Variants in TTC27 observed in about 807,000 individuals in gnomAD.
The protein encoded by TTC27 is tetratricopeptide repeat domain 27, also known as tetratricopeptide repeat protein 27.
A neutral mutation model predicts 115.9 loss-of-function variants in TTC27; 79 were observed. The observed-to-expected ratio is 0.68, with a 90% CI of 0.57 to 0.82. The LOEUF (loss-of-function observed/expected upper bound fraction) is 0.82. Ranked by LOEUF, TTC27 falls within the 40% of genes least tolerant of loss-of-function variation. TTC27 has a pLI of 0.00. For missense variants in TTC27, 1,054 were observed against 993.1 expected (o/e 1.06, Z -0.82); for synonymous variants, 401 against 356.0 (o/e 1.13, Z -1.42).
rs1665683016 is a variant in TTC27 at position 32,664,357 on chromosome 2, A to G, written c.695A>G (p.Gln232Arg). The G allele has an allele frequency of 6.2e-7, 1 of 1,611,808 alleles. No homozygotes were observed. The highest frequency in any genetic ancestry group is 8.5e-7 in the Non-Finnish European group (1 of 1,178,986). The change falls in exon 6 of 20, where the codon CAA becomes CGA. Residue 232 changes from glutamine (Q) to arginine (R), a missense_variant. By Grantham distance (43) the Gln-to-Arg change is conservative. Coordinates refer to ENST00000317907, the MANE Select transcript of TTC27 (RefSeq NM_017735.5). ...GATTCAGGTCGATATTTGGCTATTC[A>G]ATTCCATCTGGAATGTGCATATGTG... ...VDDSGRYLAI[Q>R]FHLECAYVFL...
chr2:32,813,448 G>C (rs955163661), intron 18 of TTC27, among the ~76,000 whole-genome samples: 1 of 152,220 alleles, frequency 6.6e-6, no homozygotes, highest in Admixed American at 6.5e-5. Flanking sequence ...ATGCTTGCTA[G>C]TTGACCTTGG....
chr2:32,776,858 C>T (rs1014211288), intron 13 of TTC27, among the ~76,000 whole-genome samples: 3 of 152,312 alleles, frequency 2.0e-5, no homozygotes, highest in East Asian at 3.9e-4. Context: ...GATCCGCCCA[C>T]CTCGGCCTCC....
In TTC27 at chr2:32,640,339, T is replaced by G. The variant is rs187436824; in HGVS notation, c.466T>G (p.Ser156Ala). 6.2e-7 allele frequency: 1 copy of G among 1,614,096 alleles called. No individual in the cohort carries two copies. The highest frequency in any genetic ancestry group is 1.3e-5 in the African/African-American group (1 of 75,068). ...TGGTGAATCAATCTACAGCCTGACC[T>G]CGAAGCCTATACTACTGTTATTAGC... is the stretch of plus-strand genomic sequence containing the variant. ...LDGESIYSLT[S>A]KPILLLLARI... The change falls in exon 4 of 20, where the codon TCG (serine) becomes GCG (alanine). Residue 156 changes from serine to alanine, a missense_variant. Coordinates refer to ENST00000317907, the MANE Select transcript of TTC27 (RefSeq NM_017735.5).
intron 12 of TTC27, among the ~76,000 whole-genome samples, chr2:32,746,584 A>G (rs1456256890): frequency 1.3e-5 from 2 of 151,272 alleles, no homozygotes; most frequent in Non-Finnish European, 2.9e-5. Flanking sequence ...AAAAAAAAAG[A>G]ATGCACATCT....
chr2:32,670,359 C>G (rs1442282249), intron 7 of TTC27, among the ~76,000 whole-genome samples: 1 of 152,142 alleles, frequency 6.6e-6, no homozygotes, highest in South Asian at 2.1e-4. Flanking sequence ...AAAGTTTCTC[C>G]AAAGAGTGCC....
intron 7 of TTC27, 61 bp from the exon 8 acceptor site, chr2:32,672,211 A>T (rs991732095): frequency 1.6e-6 from 2 of 1,248,308 alleles, no homozygotes; most frequent in East Asian, 2.3e-5. Flanking sequence ...ATTACATGCC[A>T]TTCTGGTGAA....
intron 10 of TTC27, among the ~76,000 whole-genome samples, chr2:32,721,584 A>G (rs1667925946): frequency 1.3e-5 from 2 of 150,630 alleles, no homozygotes; most frequent in Non-Finnish European, 3.0e-5. Context: ...AAGCTTCCTC[A>G]CCTTATCTGG....
At chr2:32,782,106 T>C (rs1558341248) in intron 14 of TTC27, among the ~76,000 whole-genome samples, 2 of 152,204 alleles carry the variant, frequency 1.3e-5, no homozygotes, top group Admixed American at 6.5e-5. Context: ...CTGATTAAGC[T>C]GATTTAAAAA....
chr2:32,741,144 T>C (rs561348929), intron 12 of TTC27, among the ~76,000 whole-genome samples: 1 of 152,374 alleles, frequency 6.6e-6, no homozygotes, highest in Non-Finnish European at 1.5e-5. Flanking sequence ...AATTGTTGTC[T>C]GTCTAGAACG....
chr2:32,755,920 A>C (rs1438712021), intron 12 of TTC27, among the ~76,000 whole-genome samples: 1 of 152,186 alleles, frequency 6.6e-6, no homozygotes, highest in African/African-American at 2.4e-5. Context: ...AAAGCCGTGC[A>C]TTAGGTAACT....
chr2:32,657,116 G>T (rs1665353642), intron 5 of TTC27, among the ~76,000 whole-genome samples: 3 of 151,328 alleles, frequency 2.0e-5, no homozygotes. Flanking sequence ...CTCCTGAGAA[G>T]CTGGGACTAC....
intron 10 of TTC27, among the ~76,000 whole-genome samples, chr2:32,706,077 C>CTTTTTTTTTTTTTTTT (rs148953090): frequency 5.6e-5 from 3 of 53,230 alleles, no homozygotes; most frequent in Non-Finnish European, 6.3e-5. Flanking sequence ...TTACCTTACT[C>CTTTTTTTTTTTTTTTT]TTTTTTTTTT....
intron 16 of TTC27, among the ~76,000 whole-genome samples, chr2:32,789,127 G>T (rs13000259): frequency 6.6e-6 from 1 of 152,250 alleles, no homozygotes; most frequent in East Asian, 1.9e-4. Context: ...ACTATTCAAA[G>T]ATTGTTTGGA....
At chr2:32,672,749 G>A (rs1324971764) in intron 8 of TTC27, among the ~76,000 whole-genome samples, 1 of 152,096 alleles carries the variant, frequency 6.6e-6, no homozygotes, top group African/African-American at 2.4e-5. Context: ...TATCTATGGT[G>A]GAAATAGTTT....
chr2:32,736,661 G>A (rs776074287), intron 11 of TTC27, 33 bp from the exon 12 acceptor site: 2 of 1,612,528 alleles, frequency 1.2e-6, no homozygotes, highest in Non-Finnish European at 1.7e-6. Flanking sequence ...TTTACACCAA[G>A]AAGTATTAAT....
chr2:32,777,885 G>C lies in TTC27; in HGVS notation c.1684G>C (p.Gly562Arg), dbSNP rs576570562. The C allele has an allele frequency of 6.2e-7, 1 of 1,613,836 alleles. No individual in the cohort carries two copies. The highest frequency in any genetic ancestry group is 1.3e-5 in the African/African-American group (1 of 74,950). Reference sequence around the variant, plus strand: ...CTTTGACTTTTGGTCTTTGCAGCTCGGGGTGTGGTTTTCTCTCGGTTGTGC... The same window carrying C: ...CTTTGACTTTTGGTCTTTGCAGCTCCGGGTGTGGTTTTCTCTCGGTTGTGC... ...RSVKINPMQL[G>R]VWFSLGCAYL... Residue 562 changes from glycine to arginine, a missense_variant, in exon 14 of 20, where the codon GGG (glycine) becomes CGG (arginine). By Grantham distance (125) the Gly-to-Arg change is moderately radical. Transcript: ENST00000317907.
chr2:32,718,173 T>A (rs1028021284), intron 10 of TTC27, among the ~76,000 whole-genome samples: 2 of 152,182 alleles, frequency 1.3e-5, no homozygotes, highest in Non-Finnish European at 2.9e-5. Context: ...TAATTATACT[T>A]TTTTCTTCAT....
At chr2:32,709,055 A>G (rs773084484) in intron 10 of TTC27, among the ~76,000 whole-genome samples, 31 of 152,208 alleles carry the variant, frequency 2.0e-4, no homozygotes, top group Non-Finnish European at 3.7e-4. Flanking sequence ...ATTTGATTGT[A>G]ACTCAAAGTA....
intron 12 of TTC27, among the ~76,000 whole-genome samples, chr2:32,739,718 A>G (rs750189098): frequency 5.3e-5 from 8 of 152,130 alleles, no homozygotes; most frequent in Non-Finnish European, 1.2e-4. Flanking sequence ...TTCTTATGCT[A>G]TATTTGCAGA....
Sources: gnomAD v4.1 joint callset for allele counts (sites outside exome capture counted in the v4.1 genomes callset) on GRCh38, gnomAD v4.1.1 for gene constraint, MANE v1.5 for transcripts, NCBI Gene and HGNC (gene_info 2026-07-23, HGNC 2026-07-21) for gene names.